The following JAM3 variants were observed in gnomAD, a reference collection of about 807,000 sequenced individuals.
JAM3 encodes the protein junctional adhesion molecule C.
Under a neutral mutation model 39.4 loss-of-function variants are expected in JAM3, and 31 were observed. That is an observed-to-expected ratio of 0.79 (90% CI 0.59 to 1.06). The LOEUF is 1.06. Among genes scored for constraint, JAM3 ranks in the 50% least tolerant of loss-of-function variants. The pLI is 0.00. For synonymous variants in JAM3, 182 were observed against 148.7 expected (o/e 1.22, Z -1.63); for missense variants, 455 against 391.4 (o/e 1.16, Z -1.37).
intron 1 of JAM3, among the ~76,000 whole-genome samples, chr11:134,117,203 A>G (rs986390736): frequency 5.3e-5 from 8 of 152,068 alleles, no homozygotes; most frequent in African/African-American, 1.9e-4. Context: ...CTCTACTAAA[A>G]GTACAAAAAA....
At chr11:134,141,237 C>T (rs1942967710) in intron 3 of JAM3, among the ~76,000 whole-genome samples, 1 of 152,016 alleles carries the variant, frequency 6.6e-6, no homozygotes, top group South Asian at 2.1e-4. Flanking sequence ...TGACATCCTC[C>T]CGGGTGGGAG....
At chr11:134,106,973 C>T (rs1395404390) in intron 1 of JAM3, among the ~76,000 whole-genome samples, 1 of 152,132 alleles carries the variant, frequency 6.6e-6, no homozygotes. Context: ...CCAGCCATTC[C>T]ATTACTGGGT....
intron 1 of JAM3, among the ~76,000 whole-genome samples, chr11:134,114,105 A>C (rs1409763425): frequency 6.6e-6 from 1 of 152,114 alleles, no homozygotes; most frequent in Non-Finnish European, 1.5e-5. Context: ...CCTTTGTCAG[A>C]TGAGTAGGTT....
At chr11:134,113,112 C>T (rs1335608122) in intron 1 of JAM3, among the ~76,000 whole-genome samples, 1 of 151,784 alleles carries the variant, frequency 6.6e-6, no homozygotes, top group East Asian at 1.9e-4. Flanking sequence ...ATTAAGGGAT[C>T]ATAAATGTTT....
chr11:134,136,012 T>C (rs1178710345), intron 1 of JAM3, among the ~76,000 whole-genome samples: 1 of 151,916 alleles, frequency 6.6e-6, no homozygotes, highest in African/African-American at 2.4e-5. Flanking sequence ...GGAGGTTACA[T>C]TGAGCTGAGA....
chr11:134,107,291 T>C (rs967357137), intron 1 of JAM3, among the ~76,000 whole-genome samples: 8 of 151,858 alleles, frequency 5.3e-5, no homozygotes, highest in Non-Finnish European at 7.4e-5. Context: ...ATGAGAACAC[T>C]TGGACACAGG....
In JAM3 at chr11:134,081,805, ACT is replaced by A. The variant is rs1941670071; in HGVS notation, c.76+12647_76+12648del. ...CTCCAGACCCCAGAATGATAGATCC[ACT>A]GACAGCTTGCACTGTGCACCTGGAA... On this transcript the variant is annotated intron_variant, in intron 1 of 8. Coordinates refer to ENST00000299106, the MANE Select transcript of JAM3 (RefSeq NM_032801.5). Among the ~76,000 whole-genome samples, 4 of 152,342 alleles carry A rather than the reference ACT, an allele frequency of 2.6e-5. No individual in the cohort carries two copies. In the South Asian group the frequency reaches 8.3e-4, roughly 32 times the overall value.
intron 3 of JAM3, among the ~76,000 whole-genome samples, chr11:134,143,236 AC>A (rs1217364873): frequency 2.0e-5 from 3 of 152,008 alleles, no homozygotes; most frequent in Non-Finnish European, 4.4e-5. Context: ...CCACATCCTT[AC>A]CAACACTTGT....
At chr11:134,133,322 A>G (rs1333283536) in intron 1 of JAM3, among the ~76,000 whole-genome samples, 1 of 152,234 alleles carries the variant, frequency 6.6e-6, no homozygotes, top group African/African-American at 2.4e-5. Flanking sequence ...AGAAATTCCA[A>G]TATCATGTTG....
chr11:134,113,733 G>A (rs1836453932), intron 1 of JAM3, among the ~76,000 whole-genome samples: 1 of 152,206 alleles, frequency 6.6e-6, no homozygotes, highest in South Asian at 2.1e-4. Context: ...GGGTCAAAAG[G>A]TATTTCTAGT....
intron 1 of JAM3, among the ~76,000 whole-genome samples, chr11:134,100,916 TAAA>T (rs1942062131): frequency 6.6e-6 from 1 of 152,116 alleles, no homozygotes; most frequent in Non-Finnish European, 1.5e-5. Context: ...ATTTTTTGAG[TAAA>T]AAAGTGAATG....
At chr11:134,121,433 C>T (rs955278775) in intron 1 of JAM3, among the ~76,000 whole-genome samples, 1 of 151,518 alleles carries the variant, frequency 6.6e-6, no homozygotes, top group Admixed American at 6.6e-5. Context: ...AGTATTTCCT[C>T]ATTTCCTCTC....
At chr11:134,085,808 C>T (rs541373797) in intron 1 of JAM3, among the ~76,000 whole-genome samples, 1 of 152,252 alleles carries the variant, frequency 6.6e-6, no homozygotes, top group South Asian at 2.1e-4. Flanking sequence ...GATAAGAGAA[C>T]ATCACAGTGT....
At chr11:134,112,716 A>T (rs1045656861) in intron 1 of JAM3, among the ~76,000 whole-genome samples, 1 of 152,184 alleles carries the variant, frequency 6.6e-6, no homozygotes, top group Non-Finnish European at 1.5e-5. Context: ...CATGGCTACT[A>T]ATTGGTACCG....
intron 1 of JAM3, among the ~76,000 whole-genome samples, chr11:134,116,168 A>G (rs1296885571): frequency 2.0e-5 from 3 of 152,200 alleles, no homozygotes; most frequent in African/African-American, 7.2e-5. Flanking sequence ...TAATTTGTGG[A>G]TGTATGCTAA....
chr11:134,145,101 G>A (rs1943047600), intron 5 of JAM3, 107 bp downstream of exon 5: 1 of 949,992 alleles, frequency 1.1e-6, no homozygotes, highest in South Asian at 1.4e-5. Context: ...TGATAAGACA[G>A]GAGTCAAAAA....
intron 1 of JAM3, among the ~76,000 whole-genome samples, chr11:134,081,125 T>A (rs1941659135): frequency 6.6e-6 from 1 of 152,180 alleles, no homozygotes. Context: ...ATTCAAGAGT[T>A]GACTTGGGTG....
intron 1 of JAM3, among the ~76,000 whole-genome samples, chr11:134,075,489 C>G (rs1941552250): frequency 6.7e-6 from 1 of 148,426 alleles, no homozygotes; most frequent in Non-Finnish European, 1.5e-5. Flanking sequence ...ATTGCTCTAT[C>G]TGGGGTCTTA....
chr11:134,134,771 G>C (rs1942833026), intron 1 of JAM3, among the ~76,000 whole-genome samples: 1 of 152,154 alleles, frequency 6.6e-6, no homozygotes, highest in African/African-American at 2.4e-5. Flanking sequence ...TAGTGATGTT[G>C]AGCAACTTTT....
Sources: allele counts gnomAD v4.1 joint callset (sites outside exome capture counted in the v4.1 genomes callset), GRCh38; gene constraint gnomAD v4.1.1; transcripts MANE v1.5; gene names NCBI Gene and HGNC (gene_info 2026-07-23, HGNC 2026-07-21).